The following FANCI variants were observed in gnomAD, a reference collection of about 807,000 sequenced individuals.
FANCI encodes the protein Fanconi anemia group I protein.
Under a neutral mutation model 176.1 loss-of-function variants are expected in FANCI, and 156 were observed. That is an observed-to-expected ratio of 0.89 (90% CI 0.78 to 1.01). The LOEUF (loss-of-function observed/expected upper bound fraction) is 1.01, where lower values mean the gene tolerates loss of function less well. Ranked by LOEUF, FANCI falls within the 50% of genes least tolerant of loss-of-function variation. The probability of loss-of-function intolerance (pLI) is 0.00; values close to 1 mark genes in which losing one functional copy is unlikely to be tolerated. For synonymous variants in FANCI, 613 were observed against 541.7 expected (o/e 1.13, Z -1.83); for missense variants, 1,678 against 1,534.1 (o/e 1.09, Z -1.57).
At position 89,244,014 on chromosome 15, in the gene FANCI, T is replaced by A. The variant is rs1021091253; in HGVS notation, c.-39T>A. On this transcript the variant is annotated 5_prime_UTR_variant, in exon 1 of 38. Transcript: ENST00000310775. ...TGGCGGCGTTGGGTTGAGCGGGCTT[T>A]TTGGAAGTTTGTGGCGGAGGTGAGG... 1.3e-5 allele frequency: 2 copies of A among 152,580 alleles called. No individual in the cohort carries two copies. Among genetic ancestry groups the A allele is most frequent in the Non-Finnish European group, 2.9e-5 (2 of 68,370 alleles). The allele number at this position is 152,580 out of a possible 1,614,324, so 9.5% of individuals were successfully genotyped here.
chr15:89,246,251 G>T (rs946683266), intron 1 of FANCI, among the ~76,000 whole-genome samples: 7 of 152,060 alleles, frequency 4.6e-5, no homozygotes, highest in African/African-American at 1.7e-4. Flanking sequence ...CTGTTCTCCA[G>T]TCACCACCCT....
chr15:89,258,792 G>C lies in FANCI; in HGVS notation c.157+16G>C, dbSNP rs2052601045. 1 of 1,574,614 alleles carries C rather than the reference G, an allele frequency of 6.4e-7. No homozygotes were observed. Among genetic ancestry groups the C allele is most frequent in the Non-Finnish European group, 8.7e-7 (1 of 1,144,292 alleles). ...ATCTTCAAAGGTAATAATAATTAAT[G>C]TCACTTCTGTCTGTCTCCTGCATTC... On this transcript the variant is annotated intron_variant, in intron 3 of 37. Coordinates refer to ENST00000310775, the MANE Select transcript of FANCI (RefSeq NM_001113378.2).
intron 34 of FANCI, among the ~76,000 whole-genome samples, chr15:89,309,164 A>T (rs1327509624): frequency 1.3e-5 from 2 of 152,152 alleles, no homozygotes; most frequent in Non-Finnish European, 2.9e-5. Flanking sequence ...CTCTCCTTTT[A>T]TCTCACCCAA....
chr15:89,283,285 G>T (rs372040058), intron 17 of FANCI, 35 bp downstream of exon 17: 12 of 1,612,706 alleles, frequency 7.4e-6, no homozygotes, highest in Non-Finnish European at 8.5e-7. Flanking sequence ...CAGTGTGTGC[G>T]TATCATTCAT....
intron 6 of FANCI, among the ~76,000 whole-genome samples, chr15:89,262,356 T>G (rs2052749384): frequency 6.6e-6 from 1 of 151,914 alleles, no homozygotes; most frequent in South Asian, 2.1e-4. Flanking sequence ...TACAAGAAAA[T>G]CCTCACATAT....
intron 20 of FANCI, among the ~76,000 whole-genome samples, chr15:89,291,959 A>G (rs1309433759): frequency 6.6e-6 from 1 of 152,226 alleles, no homozygotes; most frequent in Non-Finnish European, 1.5e-5. Flanking sequence ...ATTTTATCTC[A>G]TTTATGAATC....
At position 89,258,867 on chromosome 15, in the gene FANCI, A is replaced by G; in HGVS notation, c.157+91A>G. ...TACTTTTCTTACGGTTTGAAGCCCCACTGGAACATTTTCCATGTTTTGAGG... is the reference window on the plus strand; with the variant it reads ...TACTTTTCTTACGGTTTGAAGCCCCGCTGGAACATTTTCCATGTTTTGAGG... On this transcript the variant is annotated intron_variant, in intron 3 of 37. Transcript: ENST00000310775. 4.2e-6 allele frequency: 4 copies of G among 953,118 alleles called. 1 individual carries two copies. The highest frequency in any genetic ancestry group is 3.9e-5 in the South Asian group (3 of 77,168). 59.0% of individuals were successfully genotyped at this position (953,118 alleles called of 1,614,324 possible). A position where few individuals can be genotyped will look rare whatever the true frequency, so the allele number is the denominator to read the frequency against.
intron 9 of FANCI, among the ~76,000 whole-genome samples, chr15:89,266,165 G>GTTTTT (rs34065435): frequency 9.1e-6 from 1 of 109,766 alleles, no homozygotes; most frequent in Non-Finnish European, 1.8e-5. Flanking sequence ...CCTGGCTACT[G>GTTTTT]TTTTTTTTTT....
At chr15:89,279,661 C>G (rs1253175603) in intron 14 of FANCI, among the ~76,000 whole-genome samples, 1 of 152,178 alleles carries the variant, frequency 6.6e-6, no homozygotes, top group Admixed American at 6.5e-5. Context: ...ATACAGTTCC[C>G]TTCAAACAAA....
At chr15:89,259,747 A>G (rs1020359599) in intron 3 of FANCI, among the ~76,000 whole-genome samples, 1 of 152,182 alleles carries the variant, frequency 6.6e-6, no homozygotes, top group African/African-American at 2.4e-5. Flanking sequence ...GAATCATTCT[A>G]TATATGGTCC....
chr15:89,245,167 C>CTTTTTTTTTTTT lies in FANCI; in HGVS notation c.-20+1138_-20+1139insTTTTTTTTTTTT, dbSNP rs1567132810. On this transcript the variant is annotated intron_variant, in intron 1 of 37. Coordinates refer to ENST00000310775, the MANE Select transcript of FANCI (RefSeq NM_001113378.2). ...ACAACCTATACTGAGCTTTTCTTTT[C>CTTTTTTTTTTTT]TTTTCTTTTCTTTTTTTTTTGAGAC... 5 of 121,332 alleles carry CTTTTTTTTTTTT rather than the reference C, an allele frequency of 4.1e-5. 1 individual carries two copies. Among genetic ancestry groups the CTTTTTTTTTTTT allele is most frequent in the African/African-American group, 1.8e-4 (5 of 27,984 alleles). 7.5% of individuals were successfully genotyped at this position (121,332 alleles called of 1,614,324 possible). A position where few individuals can be genotyped will look rare whatever the true frequency, so the allele number is the denominator to read the frequency against.
At chr15:89,311,926 C>T (rs568291163) in intron 34 of FANCI, among the ~76,000 whole-genome samples, 1 of 152,282 alleles carries the variant, frequency 6.6e-6, no homozygotes, top group East Asian at 1.9e-4. Flanking sequence ...TCTCCTGACT[C>T]AAGTCTTGAT....
chr15:89,265,721 C>A (rs991031593), intron 9 of FANCI, among the ~76,000 whole-genome samples: 2 of 151,220 alleles, frequency 1.3e-5, no homozygotes, highest in Non-Finnish European at 2.9e-5. Flanking sequence ...GATGGGGTTT[C>A]ACCATGTTGG....
chr15:89,285,173 G>T lies in FANCI; in HGVS notation c.1776G>T (p.Arg592Ser). The change falls in exon 18 of 38, where the codon AGG becomes AGT. Residue 592 changes from arginine (R) to serine (S), a missense_variant. Physicochemically the swap from Arg to Ser is moderately radical, Grantham distance 110. Coordinates refer to ENST00000310775, the MANE Select transcript of FANCI (RefSeq NM_001113378.2). ...TFCLEIMDSL[R>S]RCLSQQADVR... is the part of the protein sequence containing the mutation. ...GCCTTGAGATCATGGATAGTTTGAGGAGATGCTTAAGCCAGCAAGCTGATG... is the reference window on the plus strand; with the variant it reads ...GCCTTGAGATCATGGATAGTTTGAGTAGATGCTTAAGCCAGCAAGCTGATG... 1.9e-6 allele frequency: 3 copies of T among 1,614,188 alleles called. No individual in the cohort carries two copies. Among genetic ancestry groups the T allele is most frequent in the Non-Finnish European group, 2.5e-6 (3 of 1,180,036 alleles).
chr15:89,312,842 C>A, intron 34 of FANCI, 62 bp from the exon 35 acceptor site: 15 of 1,287,146 alleles, frequency 1.2e-5, no homozygotes, highest in South Asian at 2.6e-5. Context: ...AAAATTAGCA[C>A]TAGCATGCTA....
chr15:89,291,768 GA>G, intron 20 of FANCI, 54 bp downstream of exon 20: 1 of 1,427,906 alleles, frequency 7.0e-7, no homozygotes, highest in Non-Finnish European at 9.9e-7. Context: ...GGATAGGGTT[GA>G]ACTTTGCAAA....
rs547161789 is a variant in FANCI at position 89,307,865 on chromosome 15, G to T, written c.3651+193G>T. On this transcript the variant is annotated intron_variant, in intron 34 of 37. Coordinates refer to ENST00000310775, the MANE Select transcript of FANCI (RefSeq NM_001113378.2). ...AGGACATCTTTATGTAAAGAAAACT[G>T]TTTCACTTAATTTGGAGAAAGGAAG... The T allele has an allele frequency of 9.6e-6, 14 of 1,457,318 alleles. No homozygotes were observed. In the East Asian group the frequency reaches 1.5e-4, roughly 16 times the overall value. The allele number at this position is 1,457,318 out of a possible 1,614,324, so 90.3% of individuals were successfully genotyped here.
rs772393046 is a variant in FANCI, at chr15:89,292,752, A to G, written c.2057A>G (p.Gln686Arg). ...AWYKNTVIPL[Q>R]QGEEEEEEEE... ...TATAAGAATACAGTCATACCCTTAC[A>G]GCAGGGAGAGGAGGAAGAGGAGGAG... Residue 686 changes from glutamine (Q) to arginine (R), a missense_variant, in exon 21 of 38, where the codon CAG becomes CGG. Physicochemically the swap from Gln to Arg is conservative, Grantham distance 43 (BLOSUM62 1). Coordinates refer to ENST00000310775, the MANE Select transcript of FANCI (RefSeq NM_001113378.2). 3.8e-5 allele frequency: 61 copies of G among 1,613,894 alleles called. No individual in the cohort carries two copies. Among genetic ancestry groups the G allele is most frequent in the Non-Finnish European group, 5.1e-5 (60 of 1,179,978 alleles).
rs1249436189 is a variant in FANCI, at chr15:89,261,504, A to C, written c.289-81A>C. 4.5e-6 allele frequency: 7 copies of C among 1,560,312 alleles called. No individual in the cohort carries two copies. In the East Asian group the frequency reaches 1.6e-4, roughly 35 times the overall value. On this transcript the variant is annotated intron_variant, in intron 4 of 37. Transcript: ENST00000310775. Reference sequence around the variant, plus strand: ...GGATCTCGGTCAATTCATTTATTTCAGCAAAAGACTTTATTTCTTAGAAAG... The same window carrying C: ...GGATCTCGGTCAATTCATTTATTTCCGCAAAAGACTTTATTTCTTAGAAAG...
Sources: allele counts gnomAD v4.1 joint callset (sites outside exome capture counted in the v4.1 genomes callset), GRCh38; gene constraint gnomAD v4.1.1; transcripts MANE v1.5; gene names NCBI Gene and HGNC (gene_info 2026-07-23, HGNC 2026-07-21).